MAML3: variants seen among roughly 807,000 people sequenced by gnomAD.
MAML3 encodes mastermind like transcriptional coactivator 3, also known as mastermind-like protein 3.
In MAML3, 27 loss-of-function variants were observed where a neutral mutation model predicts 101.9. That is an observed-to-expected ratio of 0.27 (90% CI 0.20 to 0.37). The LOEUF (loss-of-function observed/expected upper bound fraction) is 0.37. Ranked by LOEUF, MAML3 falls within the 10% of genes least tolerant of loss-of-function variation. MAML3 has a pLI of 1.00. For missense variants in MAML3, 1,316 were observed against 1,444.9 expected (o/e 0.91, Z 1.45); for synonymous variants, 501 against 555.9 (o/e 0.90, Z 1.39).
chr4:139,755,674 GC>G (rs1729633962), intron 2 of MAML3, among the ~76,000 whole-genome samples: 2 of 152,118 alleles, frequency 1.3e-5, no homozygotes, highest in Admixed American at 6.5e-5. Flanking sequence ...GAAAGAGTGA[GC>G]TTTTGCATGT....
chr4:140,068,289 C>T (rs1374698033), intron 1 of MAML3, among the ~76,000 whole-genome samples: 1 of 152,182 alleles, frequency 6.6e-6, no homozygotes, highest in African/African-American at 2.4e-5. Flanking sequence ...ATACTTTACT[C>T]TCCCATCAAC....
At chr4:139,976,941 G>A (rs1310970707) in intron 1 of MAML3, among the ~76,000 whole-genome samples, 3 of 150,992 alleles carry the variant, frequency 2.0e-5, no homozygotes, top group Admixed American at 6.6e-5. Flanking sequence ...GGTCTGAATG[G>A]CTGTATTCCC....
At chr4:140,069,172 T>G (rs1055393740) in intron 1 of MAML3, among the ~76,000 whole-genome samples, 3 of 152,172 alleles carry the variant, frequency 2.0e-5, no homozygotes, top group Non-Finnish European at 4.4e-5. Context: ...ACCTTGATTA[T>G]TGCAACTTCA....
intron 2 of MAML3, 44 bp downstream of exon 2, chr4:139,889,313 G>T (rs558705163): frequency 6.2e-7 from 1 of 1,613,752 alleles, no homozygotes; most frequent in Non-Finnish European, 8.5e-7. Context: ...AGTCTGAAAT[G>T]CACCACAAGA....
chr4:139,886,211 T>C (rs1321951791), intron 2 of MAML3, among the ~76,000 whole-genome samples: 1 of 151,982 alleles, frequency 6.6e-6, no homozygotes, highest in African/African-American at 2.4e-5. Context: ...ACAACTAATA[T>C]ATGTCAATGA....
In MAML3 at chr4:139,718,208, A is replaced by C. The variant is rs1728071241; in HGVS notation, c.*1115T>G. ...CAAAAAACCGACTCCCAAACATCAG[A>C]GCAGCCCTCTTGGTTCCAGGCAGAT... On this transcript the variant is annotated 3_prime_UTR_variant, in exon 5 of 5. Transcript: ENST00000509479. 6.6e-6 allele frequency: 1 copy of C among 152,240 alleles called. No homozygotes were observed. Among genetic ancestry groups the C allele is most frequent in the Non-Finnish European group, 1.5e-5 (1 of 68,076 alleles). The allele number at this position is 152,240 out of a possible 1,614,324, so 9.4% of individuals were successfully genotyped here. A position where few individuals can be genotyped will look rare whatever the true frequency, so the allele number is the denominator to read the frequency against.
At position 139,813,158 on chromosome 4, in the gene MAML3, T is replaced by C. The variant is rs537086958; in HGVS notation, c.2079+76199A>G. The stretch of plus-strand genomic sequence containing the variant: ...GAACAAAAGTAAAAAATATGAAAAA[T>C]AGAAAAGAAAAAGATAAGAAAATAG... On this transcript the variant is annotated intron_variant, in intron 2 of 4. Coordinates refer to ENST00000509479, the MANE Select transcript of MAML3 (RefSeq NM_018717.5). 1.0e-4 allele frequency among the ~76,000 whole-genome samples: 15 copies of C among 150,676 alleles called. No individual in the cohort carries two copies. In the East Asian group the frequency reaches 2.7e-3, roughly 28 times the overall value.
chr4:139,822,315 A>C (rs1210762595), intron 2 of MAML3, among the ~76,000 whole-genome samples: 2 of 143,894 alleles, frequency 1.4e-5, no homozygotes, highest in African/African-American at 2.5e-5. Context: ...ATGGGAGTAG[A>C]GGCCATGGAG....
intron 1 of MAML3, among the ~76,000 whole-genome samples, chr4:140,058,792 C>A (rs1373135103): frequency 1.3e-5 from 2 of 152,032 alleles, no homozygotes; most frequent in African/African-American, 4.8e-5. Context: ...CTGAATTAAT[C>A]CTTTGGGTCT....
chr4:139,839,176 GC>G (rs1731315118), intron 2 of MAML3, among the ~76,000 whole-genome samples: 1 of 152,118 alleles, frequency 6.6e-6, no homozygotes, highest in African/African-American at 2.4e-5. Context: ...CAGCCTGTGA[GC>G]CCCACACACG....
chr4:139,884,992 C>T (rs992487538), intron 2 of MAML3, among the ~76,000 whole-genome samples: 5 of 152,110 alleles, frequency 3.3e-5, no homozygotes, highest in Admixed American at 1.3e-4. Context: ...CCAGATGTGA[C>T]CATAGTAAGT....
chr4:139,981,502 C>T (rs1021418942), intron 1 of MAML3, among the ~76,000 whole-genome samples: 1 of 152,100 alleles, frequency 6.6e-6, no homozygotes, highest in Non-Finnish European at 1.5e-5. Context: ...CCTAGTTTTT[C>T]CTATTATTAA....
chr4:139,808,134 C>T (rs1730732519), intron 2 of MAML3, among the ~76,000 whole-genome samples: 1 of 152,252 alleles, frequency 6.6e-6, no homozygotes, highest in Non-Finnish European at 1.5e-5. Flanking sequence ...ATCTGTCAGA[C>T]AAGCTATCCA....
Position 139,719,021 on chromosome 4 carries a change from G to A in MAML3, c.*302C>T. 3.0e-6 allele frequency: 1 copy of A among 329,506 alleles called. No homozygotes were observed. The highest frequency in any genetic ancestry group is 5.5e-6 in the Non-Finnish European group (1 of 180,406). 20.4% of individuals were successfully genotyped at this position (329,506 alleles called of 1,614,324 possible). ...GCTCCTGCTGGGCCAGGCGATCACA[G>A]GGCATGCTGGGCAGAGGGGCTCTGG... is the stretch of plus-strand genomic sequence containing the variant. On this transcript the variant is annotated 3_prime_UTR_variant, in exon 5 of 5. Transcript: ENST00000509479.
At chr4:139,736,042 G>A (rs919886503) in intron 2 of MAML3, among the ~76,000 whole-genome samples, 3 of 152,180 alleles carry the variant, frequency 2.0e-5, no homozygotes. Context: ...TGGCAGGAAA[G>A]AGTAAAAATA....
chr4:140,110,450 T>C (rs957419183), intron 1 of MAML3, among the ~76,000 whole-genome samples: 6 of 152,352 alleles, frequency 3.9e-5, no homozygotes, highest in African/African-American at 1.2e-4. Flanking sequence ...TACGCTCTAA[T>C]AATAAGATGG....
At chr4:140,058,654 T>G (rs1727394323) in intron 1 of MAML3, among the ~76,000 whole-genome samples, 1 of 152,098 alleles carries the variant, frequency 6.6e-6, no homozygotes, top group South Asian at 2.1e-4. Flanking sequence ...TTCTCATGTT[T>G]TAACATAGTG....
At chr4:140,075,852 C>T (rs186089268) in intron 1 of MAML3, among the ~76,000 whole-genome samples, 270 of 151,464 alleles carry the variant, frequency 1.8e-3, no homozygotes, top group African/African-American at 6.3e-3. Flanking sequence ...CCTCTGCTTC[C>T]CGGATTCAAG....
intron 1 of MAML3, among the ~76,000 whole-genome samples, chr4:140,152,466 C>T (rs1578712921): frequency 6.6e-6 from 1 of 151,882 alleles, no homozygotes; most frequent in Non-Finnish European, 1.5e-5. Flanking sequence ...GGCGGCGCGG[C>T]TAGAGGTGGG....
Sources: gnomAD v4.1 joint callset for allele counts (sites outside exome capture counted in the v4.1 genomes callset) on GRCh38, gnomAD v4.1.1 for gene constraint, MANE v1.5 for transcripts, NCBI Gene and HGNC (gene_info 2026-07-23, HGNC 2026-07-21) for gene names.